RASGRP3: variants seen among roughly 807,000 people sequenced by gnomAD.
RASGRP3 encodes RAS guanyl releasing protein 3.
RASGRP3 carries 54 observed loss-of-function variants against 82.7 expected under a neutral mutation model. The ratio of observed to expected loss-of-function variants is 0.65; its 90% confidence interval spans 0.52 to 0.82. The LOEUF (loss-of-function observed/expected upper bound fraction) is 0.82, where lower values mean the gene tolerates loss of function less well. Ranked by LOEUF, RASGRP3 falls within the 40% of genes least tolerant of loss-of-function variation. The probability of loss-of-function intolerance (pLI) is 0.00; values close to 1 mark genes in which losing one functional copy is unlikely to be tolerated. For missense variants in RASGRP3, 861 were observed against 828.9 expected, an observed-to-expected ratio of 1.04 and a Z score of -0.48; for synonymous variants, 309 against 300.5, an observed-to-expected ratio of 1.03 and a Z score of -0.29.
intron 2 of RASGRP3, among the ~76,000 whole-genome samples, chr2:33,466,723 C>G (rs562687450): frequency 6.6e-6 from 1 of 150,796 alleles, no homozygotes; most frequent in African/African-American, 2.4e-5. Flanking sequence ...ACTGCAGATG[C>G]AGGGGAAACA....
intron 2 of RASGRP3, among the ~76,000 whole-genome samples, chr2:33,464,004 A>G (rs1412419155): frequency 6.6e-6 from 1 of 151,746 alleles, no homozygotes; most frequent in Non-Finnish European, 1.5e-5. Context: ...AGTTTAAGGC[A>G]ACCCTGCATC....
chr2:33,485,504 C>A (rs1668295171), intron 1 of RASGRP3, among the ~76,000 whole-genome samples: 1 of 152,212 alleles, frequency 6.6e-6, no homozygotes, highest in African/African-American at 2.4e-5. Flanking sequence ...ACCCAAAAAT[C>A]ATTATGCTAT....
chr2:33,546,347 C>G (rs13388446), intron 13 of RASGRP3, among the ~76,000 whole-genome samples: 21,581 of 150,910 alleles, frequency 0.14, 2,021 homozygotes, highest in Non-Finnish European at 0.18. Flanking sequence ...GGCATGAACC[C>G]GCGAGGCGGA....
chr2:33,447,194 G>A (rs1002940236), intron 1 of RASGRP3, among the ~76,000 whole-genome samples: 16 of 152,054 alleles, frequency 1.1e-4, no homozygotes, highest in Admixed American at 9.8e-4. Context: ...TGGGTTGAGT[G>A]GTCCCACTGG....
At chr2:33,519,184 GGC>G (rs899172756) in intron 4 of RASGRP3, among the ~76,000 whole-genome samples, 3 of 152,070 alleles carry the variant, frequency 2.0e-5, no homozygotes, top group Non-Finnish European at 4.4e-5. Flanking sequence ...CATGTCACCA[GGC>G]AATAGGAATT....
intron 1 of RASGRP3, among the ~76,000 whole-genome samples, chr2:33,440,418 A>C (rs183357525): frequency 6.6e-6 from 1 of 152,336 alleles, no homozygotes; most frequent in Non-Finnish European, 1.5e-5. Context: ...TGGAAAATGG[A>C]ACCACCATGT....
intron 2 of RASGRP3, among the ~76,000 whole-genome samples, chr2:33,512,054 G>A (rs989974639): frequency 6.6e-6 from 1 of 152,202 alleles, no homozygotes; most frequent in Non-Finnish European, 1.5e-5. Flanking sequence ...AAAGGTAGTT[G>A]TAGACACAAT....
chr2:33,472,370 G>A (rs1667107240), upstream of RASGRP3, among the ~76,000 whole-genome samples: 1 of 152,202 alleles, frequency 6.6e-6, no homozygotes, highest in Admixed American at 6.5e-5. Flanking sequence ...GGAATACAAA[G>A]TTGCCTACGA....
At chr2:33,511,249 G>T (rs899632368) in intron 1 of RASGRP3, among the ~76,000 whole-genome samples, 3 of 152,070 alleles carry the variant, frequency 2.0e-5, no homozygotes, top group Non-Finnish European at 4.4e-5. Context: ...AGTTCTTAAG[G>T]CCCCATTGGG....
intron 1 of RASGRP3, among the ~76,000 whole-genome samples, chr2:33,505,966 T>C (rs1670336765): frequency 6.6e-6 from 1 of 152,248 alleles, no homozygotes; most frequent in Admixed American, 6.5e-5. Context: ...GTTCAACTTA[T>C]GTCAGGTAGC....
intron 13 of RASGRP3, among the ~76,000 whole-genome samples, chr2:33,545,793 CTAT>C (rs34536252): frequency 0.82 from 124,295 of 150,722 alleles, 51,631 homozygotes; most frequent in African/African-American, 0.94. Flanking sequence ...GTCAGAATGG[CTAT>C]TATTATTATT....
intron 1 of RASGRP3, among the ~76,000 whole-genome samples, chr2:33,499,852 G>A (rs2150977316): frequency 6.6e-6 from 1 of 152,234 alleles, no homozygotes; most frequent in South Asian, 2.1e-4. Context: ...GAATATGATG[G>A]CAGAGAAAAG....
At chr2:33,507,686 T>C (rs928727894) in intron 1 of RASGRP3, among the ~76,000 whole-genome samples, 2 of 152,182 alleles carry the variant, frequency 1.3e-5, no homozygotes, top group African/African-American at 4.8e-5. Flanking sequence ...CCACCACGCC[T>C]GGCTACTTCT....
At chr2:33,486,443 C>T (rs1039749122) in intron 1 of RASGRP3, among the ~76,000 whole-genome samples, 4 of 152,204 alleles carry the variant, frequency 2.6e-5, no homozygotes, top group South Asian at 2.1e-4. Context: ...GTTGGGATTA[C>T]AGCTGTGAGC....
intron 1 of RASGRP3, among the ~76,000 whole-genome samples, chr2:33,440,883 C>T (rs1033964263): frequency 1.3e-5 from 2 of 151,584 alleles, no homozygotes; most frequent in African/African-American, 4.9e-5. Flanking sequence ...ATTAGATCTC[C>T]AAACTTGTTT....
rs1188478813 is a variant in RASGRP3, at chr2:33,562,728, G to C, written c.2065-1G>C. Reference sequence around the variant, plus strand: ...GCAATAGGTTCCAATTTGTGTTTCAGGATGGCTGACTTCAGGCTGCGGAAA... The same window carrying C: ...GCAATAGGTTCCAATTTGTGTTTCACGATGGCTGACTTCAGGCTGCGGAAA... On this transcript the variant is annotated splice_acceptor_variant, in intron 17 of 17. Transcript: ENST00000403687. LOFTEE classifies it high-confidence loss of function. 2.5e-6 allele frequency: 4 copies of C among 1,613,676 alleles called. No homozygotes were observed. The highest frequency in any genetic ancestry group is 2.5e-6 in the Non-Finnish European group (3 of 1,179,598).
chr2:33,511,816 G>T lies in RASGRP3; in HGVS notation c.-154G>T, dbSNP rs554603109. The T allele has an allele frequency of 6.6e-6, 1 of 152,616 alleles. No individual in the cohort carries two copies. The highest frequency in any genetic ancestry group is 2.4e-5 in the African/African-American group (1 of 41,508). 9.5% of individuals were successfully genotyped at this position (152,616 alleles called of 1,614,324 possible). ...CTGCCCTTAAAATTCTTTCAGATTT[G>T]GAACTGTATCTGTATGGAAACAACA... On this transcript the variant is annotated 5_prime_UTR_variant, in exon 2 of 18. Coordinates refer to ENST00000403687, the MANE Select transcript of RASGRP3 (RefSeq NM_001139488.2).
chr2:33,495,992 C>G (rs1339191390), intron 1 of RASGRP3, among the ~76,000 whole-genome samples: 1 of 152,146 alleles, frequency 6.6e-6, no homozygotes, highest in East Asian at 1.9e-4. Flanking sequence ...ATCTAGAAAA[C>G]TGGATTTTTA....
At chr2:33,560,793 T>C (rs1676562272) in intron 17 of RASGRP3, among the ~76,000 whole-genome samples, 1 of 152,216 alleles carries the variant, frequency 6.6e-6, no homozygotes, top group African/African-American at 2.4e-5. Flanking sequence ...GAGAACCTGC[T>C]TTTGTTTAAC....
Sources: gnomAD v4.1 joint callset for allele counts (sites outside exome capture counted in the v4.1 genomes callset) on GRCh38, gnomAD v4.1.1 for gene constraint, MANE v1.5 for transcripts, NCBI Gene and HGNC (gene_info 2026-07-23, HGNC 2026-07-21) for gene names.